THADA: variants seen among roughly 807,000 people sequenced by gnomAD.
THADA encodes THADA armadillo repeat containing.
Under a neutral mutation model 219.8 loss-of-function variants are expected in THADA, and 213 were observed. The observed-to-expected ratio is 0.97, with a 90% confidence interval of 0.87 to 1.09. The LOEUF (loss-of-function observed/expected upper bound fraction) is 1.09, where lower values mean the gene tolerates loss of function less well. Ranked by LOEUF, THADA falls within the 50% of genes least tolerant of loss-of-function variation. The pLI, the probability that THADA is intolerant of heterozygous loss-of-function variation, is 0.00. For synonymous variants in THADA, 1,018 were observed against 828.9 expected (o/e 1.23, Z -3.92); for missense variants, 2,956 against 2,311.3 (o/e 1.28, Z -5.72).
chr2:43,334,449 T>C (rs961671074), intron 30 of THADA, among the ~76,000 whole-genome samples: 2 of 152,220 alleles, frequency 1.3e-5, no homozygotes, highest in African/African-American at 4.8e-5. Context: ...CTCTACCATC[T>C]CTTCCCCTCA....
chr2:43,535,094 G>C (rs1284036155), intron 21 of THADA, among the ~76,000 whole-genome samples: 1 of 146,600 alleles, frequency 6.8e-6, no homozygotes, highest in Non-Finnish European at 1.5e-5. Context: ...TCCCTGATTT[G>C]TGATGTTGAA....
chr2:43,267,508 C>T (rs537250010), intron 36 of THADA, among the ~76,000 whole-genome samples: 4 of 152,304 alleles, frequency 2.6e-5, no homozygotes, highest in East Asian at 1.9e-4. Flanking sequence ...TTTAGCTAAG[C>T]GTGTGTCCAT....
At position 43,476,307 on chromosome 2, in the gene THADA, G is replaced by T. The variant is rs140402823; in HGVS notation, c.3836+8927C>A. 7.9e-5 allele frequency among the ~76,000 whole-genome samples: 12 copies of T among 152,306 alleles called. 1 individual carries two copies. The highest frequency in any genetic ancestry group is 2.9e-4 in the African/African-American group (12 of 41,562). ...GGGTATTGTGCCTAGACACTGCAGT[G>T]TCTGGATATGATGGCTGGAACTGAA... On this transcript the variant is annotated intron_variant, in intron 26 of 37. Transcript: ENST00000405975.
At chr2:43,443,501 T>C (rs1478531365) in intron 26 of THADA, among the ~76,000 whole-genome samples, 1 of 152,152 alleles carries the variant, frequency 6.6e-6, no homozygotes, top group Non-Finnish European at 1.5e-5. Context: ...CCACTGCAGA[T>C]ATAGCGAGCC....
chr2:43,297,190 C>T (rs1230423445), intron 31 of THADA, among the ~76,000 whole-genome samples: 7 of 94,346 alleles, frequency 7.4e-5, no homozygotes, highest in South Asian at 4.4e-4. Context: ...TCTGCCCCGC[C>T]GCCCCATCTG....
intron 28 of THADA, among the ~76,000 whole-genome samples, chr2:43,418,970 C>T (rs1558730573): frequency 6.6e-6 from 1 of 152,112 alleles, no homozygotes; most frequent in Non-Finnish European, 1.5e-5. Flanking sequence ...GAAGAAGCGG[C>T]CAGGCTGCAG....
chr2:43,235,870 G>T (rs1667976390), intron 36 of THADA, among the ~76,000 whole-genome samples: 1 of 151,136 alleles, frequency 6.6e-6, no homozygotes, highest in Non-Finnish European at 1.5e-5. Context: ...GCAGTGGCGG[G>T]ATCTCGGCTC....
At chr2:43,552,995 C>T (rs943902023) in intron 17 of THADA, among the ~76,000 whole-genome samples, 1 of 152,076 alleles carries the variant, frequency 6.6e-6, no homozygotes, top group African/African-American at 2.4e-5. Context: ...ATACAATATG[C>T]GATCTTTTGA....
chr2:43,503,406 T>C (rs563577125), intron 24 of THADA, among the ~76,000 whole-genome samples: 2 of 152,224 alleles, frequency 1.3e-5, no homozygotes. Context: ...TCTTAAAATA[T>C]AATGTTGATT....
At chr2:43,448,560 CTTTTTTTTT>C (rs71410179) in intron 26 of THADA, among the ~76,000 whole-genome samples, 8 of 103,630 alleles carry the variant, frequency 7.7e-5, no homozygotes, top group Admixed American at 4.5e-4. Context: ...TTCTTCCTTT[CTTTTTTTTT>C]TTTTTTTTTT....
At chr2:43,352,377 G>T (rs956069886) in intron 29 of THADA, among the ~76,000 whole-genome samples, 1 of 152,094 alleles carries the variant, frequency 6.6e-6, no homozygotes, top group Non-Finnish European at 1.5e-5. Flanking sequence ...GGCCAACATG[G>T]CGAAACCCCA....
intron 14 of THADA, among the ~76,000 whole-genome samples, chr2:43,567,023 C>T (rs1698771226): frequency 6.6e-6 from 1 of 152,034 alleles, no homozygotes; most frequent in African/African-American, 2.4e-5. Context: ...CTTTAATAAA[C>T]CCTATATTTG....
intron 26 of THADA, among the ~76,000 whole-genome samples, chr2:43,478,965 T>C (rs1231299842): frequency 2.0e-5 from 3 of 152,176 alleles, no homozygotes; most frequent in Non-Finnish European, 4.4e-5. Flanking sequence ...ACAAAACTTG[T>C]ACTTTACCTC....
chr2:43,239,617 A>G (rs1158485412), intron 36 of THADA, among the ~76,000 whole-genome samples: 1 of 152,252 alleles, frequency 6.6e-6, no homozygotes, highest in Non-Finnish European at 1.5e-5. Flanking sequence ...CCATGGTCTG[A>G]TTTTAAAGTA....
At chr2:43,381,664 T>C (rs1558668369) in intron 29 of THADA, among the ~76,000 whole-genome samples, 1 of 150,274 alleles carries the variant, frequency 6.7e-6, no homozygotes, top group Non-Finnish European at 1.5e-5. Flanking sequence ...CACTGGAACC[T>C]CCACCTCCTG....
At position 43,275,285 on chromosome 2, in the gene THADA, G is replaced by A. The variant is rs538233893; in HGVS notation, c.5296+4480C>T. On this transcript the variant is annotated intron_variant, in intron 36 of 37. Transcript: ENST00000405975. ...CTCCCAAAGTGCTGGGATTAGATGCGTGAGCCACCGCACCTGGCCAGAAAC... is the reference window on the plus strand; with the variant it reads ...CTCCCAAAGTGCTGGGATTAGATGCATGAGCCACCGCACCTGGCCAGAAAC... Among the ~76,000 whole-genome samples the A allele has an allele frequency of 1.2e-4, 19 of 152,256 alleles. No homozygotes were observed. In the South Asian group the frequency reaches 1.5e-3, roughly 12 times the overall value.
At chr2:43,347,991 G>A (rs1489244494) in intron 29 of THADA, among the ~76,000 whole-genome samples, 1 of 152,216 alleles carries the variant, frequency 6.6e-6, no homozygotes, top group East Asian at 1.9e-4. Flanking sequence ...GGAGGTCATA[G>A]CAGAAGGGGT....
At chr2:43,584,402 C>T (rs112205136) in intron 7 of THADA, among the ~76,000 whole-genome samples, 1,561 of 151,770 alleles carry the variant, frequency 0.01, 31 homozygotes, top group African/African-American at 0.036. Context: ...GCAGTTCAAA[C>T]GAACAAAATA....
intron 1 of THADA, among the ~76,000 whole-genome samples, chr2:43,593,726 T>C (rs1477413961): frequency 6.7e-6 from 1 of 149,230 alleles, no homozygotes; most frequent in Non-Finnish European, 1.5e-5. Context: ...CTCAGCCTCC[T>C]GGGTTCAGGC....
Sources: allele counts gnomAD v4.1 joint callset (sites outside exome capture counted in the v4.1 genomes callset), GRCh38; gene constraint gnomAD v4.1.1; transcripts MANE v1.5; gene names NCBI Gene and HGNC (gene_info 2026-07-23, HGNC 2026-07-21).